Variants in DSCAM observed in about 807,000 individuals in gnomAD.
DSCAM encodes DS cell adhesion molecule.
A neutral mutation model predicts 217.7 loss-of-function variants in DSCAM; 47 were observed. The observed-to-expected ratio is 0.22, with a 90% confidence interval of 0.17 to 0.28. The LOEUF (loss-of-function observed/expected upper bound fraction) is 0.28. DSCAM is among the 10% of genes least tolerant of loss of function. The pLI, the probability that DSCAM is intolerant of heterozygous loss-of-function variation, is 1.00. For missense variants in DSCAM, 2,080 were observed against 2,618.3 expected, an observed-to-expected ratio of 0.79 and a Z score of 4.49; for synonymous variants, 1,056 against 1,015.3, an observed-to-expected ratio of 1.04 and a Z score of -0.76.
At chr21:40,368,077 T>C (rs1371494312) in intron 4 of DSCAM, among the ~76,000 whole-genome samples, 1 of 152,212 alleles carries the variant, frequency 6.6e-6, no homozygotes, top group African/African-American at 2.4e-5. Flanking sequence ...GGCTCTTAGA[T>C]CATCACCACT....
intron 28 of DSCAM, among the ~76,000 whole-genome samples, chr21:40,056,494 A>G (rs917884717): frequency 1.3e-5 from 2 of 152,202 alleles, no homozygotes; most frequent in Non-Finnish European, 2.9e-5. Context: ...GTAAATGAAA[A>G]TAAGTAGTAA....
chr21:40,029,741 G>T (rs1426411702), intron 32 of DSCAM, among the ~76,000 whole-genome samples: 1 of 152,142 alleles, frequency 6.6e-6, no homozygotes, highest in Non-Finnish European at 1.5e-5. Context: ...TATCTGTCAT[G>T]TTGGCTCTGA....
chr21:40,055,865 T>C (rs2089010407), intron 28 of DSCAM, 25 bp from the exon 29 acceptor site: 1 of 1,565,664 alleles, frequency 6.4e-7, no homozygotes, highest in African/African-American at 1.4e-5. Context: ...GGGTAATGCA[T>C]TAACAAATCC....
chr21:40,510,486 C>T (rs184703701), intron 3 of DSCAM, among the ~76,000 whole-genome samples: 5 of 152,160 alleles, frequency 3.3e-5, no homozygotes, highest in East Asian at 1.9e-4. Context: ...AACATTTGTT[C>T]GAAATCAAAC....
intron 27 of DSCAM, among the ~76,000 whole-genome samples, chr21:40,073,812 A>G (rs551481032): frequency 6.6e-6 from 1 of 152,352 alleles, no homozygotes; most frequent in African/African-American, 2.4e-5. Context: ...CATTCACTCA[A>G]GTAATGTCTG....
chr21:40,222,465 G>A (rs995617775), intron 11 of DSCAM, among the ~76,000 whole-genome samples: 5 of 152,136 alleles, frequency 3.3e-5, no homozygotes, highest in East Asian at 3.8e-4. Flanking sequence ...CCAAATTTTG[G>A]TAGAGTATCA....
At chr21:40,412,580 T>C (rs552271503) in intron 3 of DSCAM, among the ~76,000 whole-genome samples, 3 of 152,286 alleles carry the variant, frequency 2.0e-5, no homozygotes, top group African/African-American at 7.2e-5. Flanking sequence ...ACAGATATGA[T>C]TTAGGGTATC....
chr21:40,052,639 A>T (rs1040585975), intron 29 of DSCAM, among the ~76,000 whole-genome samples: 1 of 152,244 alleles, frequency 6.6e-6, no homozygotes, highest in African/African-American at 2.4e-5. Flanking sequence ...AAAACATGCC[A>T]GTCTTCAGAG....
At chr21:40,394,098 C>T (rs557118807) in intron 3 of DSCAM, among the ~76,000 whole-genome samples, 1 of 152,122 alleles carries the variant, frequency 6.6e-6, no homozygotes, top group Non-Finnish European at 1.5e-5. Flanking sequence ...ATGGAATAGT[C>T]AAGGCAGTTG....
chr21:40,640,685 G>A (rs1170999792), intron 3 of DSCAM, among the ~76,000 whole-genome samples: 1 of 152,172 alleles, frequency 6.6e-6, no homozygotes. Context: ...GGAGAGCAGA[G>A]GTTGTCACAG....
At chr21:40,409,959 T>C (rs1157227831) in intron 3 of DSCAM, among the ~76,000 whole-genome samples, 2 of 151,996 alleles carry the variant, frequency 1.3e-5, no homozygotes, top group Non-Finnish European at 2.9e-5. Context: ...TTACAAAACA[T>C]GTCTAAAGCA....
At chr21:40,110,364 C>T (rs449018) in intron 20 of DSCAM, among the ~76,000 whole-genome samples, 151,820 of 152,306 alleles carry the variant, frequency 1, 75,669 homozygotes, top group East Asian at 1. Context: ...TCCTGACTGT[C>T]AGAAGGAAAA....
intron 3 of DSCAM, among the ~76,000 whole-genome samples, chr21:40,427,810 C>G (rs1236780381): frequency 6.6e-6 from 1 of 152,216 alleles, no homozygotes; most frequent in African/African-American, 2.4e-5. Flanking sequence ...GCTGCTATGT[C>G]TTCCTGTGAG....
At chr21:40,029,977 C>T (rs139815870) in intron 32 of DSCAM, among the ~76,000 whole-genome samples, 3 of 152,360 alleles carry the variant, frequency 2.0e-5, no homozygotes, top group East Asian at 3.9e-4. Flanking sequence ...ATGCAAGTCT[C>T]TTTGATGCCT....
intron 1 of DSCAM, among the ~76,000 whole-genome samples, chr21:40,834,636 C>A (rs988871307): frequency 3.3e-5 from 5 of 152,010 alleles, no homozygotes; most frequent in African/African-American, 9.7e-5. Flanking sequence ...TGAATAGGGA[C>A]ACTCACAGGC....
At chr21:40,396,386 G>A (rs1243643246) in intron 3 of DSCAM, among the ~76,000 whole-genome samples, 4 of 152,148 alleles carry the variant, frequency 2.6e-5, no homozygotes, top group Non-Finnish European at 5.9e-5. Context: ...TGGATTTAGG[G>A]CTCGTTAATA....
At chr21:40,137,911 C>T (rs1181660880) in intron 18 of DSCAM, among the ~76,000 whole-genome samples, 5 of 151,926 alleles carry the variant, frequency 3.3e-5, no homozygotes, top group African/African-American at 1.2e-4. Flanking sequence ...CCATTTTTTC[C>T]ATGAAGAAAG....
chr21:40,352,159 G>C (rs985118319), intron 5 of DSCAM, among the ~76,000 whole-genome samples: 1 of 152,166 alleles, frequency 6.6e-6, no homozygotes. Context: ...TCATAAGTGG[G>C]TTTTAATGCA....
At position 40,512,684 on chromosome 21, in the gene DSCAM, TCA is replaced by T. The variant is rs568724476; in HGVS notation, c.509-143441_509-143440del. ...TTTGTACCGTTGCTCAGTGAAGTTA[TCA>T]TAGTAAAGTTATAGTACTGTATAGT... On this transcript the variant is annotated intron_variant, in intron 3 of 32. Coordinates refer to ENST00000400454, the MANE Select transcript of DSCAM (RefSeq NM_001389.5). Among the ~76,000 whole-genome samples, 95 of 152,198 alleles carry T rather than the reference TCA, an allele frequency of 6.2e-4. 1 individual carries two copies. The highest frequency in any genetic ancestry group is 2.0e-3 in the African/African-American group (85 of 41,516).
Sources: gnomAD v4.1 joint callset for allele counts (sites outside exome capture counted in the v4.1 genomes callset) on GRCh38, gnomAD v4.1.1 for gene constraint, MANE v1.5 for transcripts, NCBI Gene and HGNC (gene_info 2026-07-23, HGNC 2026-07-21) for gene names.